The following ANAPC5 variants were observed in gnomAD, a reference collection of about 807,000 sequenced individuals.
ANAPC5 encodes anaphase promoting complex subunit 5.
ANAPC5 carries 60 observed loss-of-function variants against 91.3 expected under a neutral mutation model. The observed-to-expected ratio is 0.66, with a 90% CI of 0.53 to 0.81. The LOEUF (loss-of-function observed/expected upper bound fraction) is 0.81. Ranked by LOEUF, ANAPC5 falls within the 40% of genes least tolerant of loss-of-function variation. The probability of loss-of-function intolerance (pLI) is 0.00; values close to 1 mark genes in which losing one functional copy is unlikely to be tolerated. For missense variants in ANAPC5, 690 were observed against 931.5 expected (o/e 0.74, Z 3.37); for synonymous variants, 340 against 364.1 (o/e 0.93, Z 0.75).
At position 121,335,790 on chromosome 12, in the gene ANAPC5, G is replaced by C. The variant is rs75918756; in HGVS notation, c.760-67C>G. The C allele has an allele frequency of 3.2e-3, 4,204 of 1,333,366 alleles. 111 individuals carry two copies. The African/African-American group carries it at 0.054, about 17-fold the overall frequency. 82.6% of individuals were successfully genotyped at this position (1,333,366 alleles called of 1,614,324 possible). On this transcript the variant is annotated intron_variant, in intron 6 of 16. Transcript: ENST00000261819. ...ATCTCTGGTGTAAGACAACTGCAGA[G>C]AGTTCCACTGTCTACAAACACTAGT...
upstream of ANAPC5, chr12:121,352,455 A>T (rs144031139): frequency 3.2e-3 from 2,676 of 840,212 alleles, 55 homozygotes; most frequent in African/African-American, 0.04. Context: ...CAGGAAACAG[A>T]CATCCGCGTG....
intron 15 of ANAPC5, 80 bp downstream of exon 15, chr12:121,318,197 C>A: frequency 7.1e-7 from 1 of 1,406,184 alleles, no homozygotes; most frequent in Non-Finnish European, 9.4e-7. Context: ...TCATTATTAT[C>A]CTTTCAATAC....
chr12:121,332,796 T>C (rs888717537), intron 7 of ANAPC5: 18 of 152,098 alleles, frequency 1.2e-4, no homozygotes, highest in Non-Finnish European at 1.8e-4. Context: ...AAAATCTACC[T>C]CTCCTCATTT....
chr12:121,340,997 T>G (rs117440392), intron 5 of ANAPC5, among the ~76,000 whole-genome samples: 6,393 of 152,144 alleles, frequency 0.042, 167 homozygotes, highest in South Asian at 0.082. Flanking sequence ...CAGATTATGT[T>G]TCCAAGAAAA....
At chr12:121,313,581 A>G (rs1232191305) in intron 15 of ANAPC5, among the ~76,000 whole-genome samples, 1 of 152,194 alleles carries the variant, frequency 6.6e-6, no homozygotes, top group Non-Finnish European at 1.5e-5. Context: ...TTTACTAACA[A>G]CCTTACAAAA....
At chr12:121,330,509 G>C (rs1361656288) in intron 9 of ANAPC5, 74 bp downstream of exon 9, 3 of 1,234,490 alleles carry the variant, frequency 2.4e-6, no homozygotes, top group Admixed American at 2.0e-5. Flanking sequence ...GCTGGTTAAT[G>C]ACAGAGGTGG....
At chr12:121,314,104 T>C (rs1310587076) in intron 15 of ANAPC5, among the ~76,000 whole-genome samples, 3 of 151,958 alleles carry the variant, frequency 2.0e-5, no homozygotes, top group Non-Finnish European at 4.4e-5. Context: ...ATAAATAAAA[T>C]GAAAGAAAAA....
intron 15 of ANAPC5, among the ~76,000 whole-genome samples, chr12:121,315,585 G>A (rs909935032): frequency 2.6e-5 from 4 of 152,184 alleles, no homozygotes; most frequent in African/African-American, 9.6e-5. Context: ...GTAACATATA[G>A]ATCAAGGGAA....
rs182221986 is a variant in ANAPC5 at position 121,334,961 on chromosome 12, T to C, written c.950+572A>G. ...TAGTGACACTAGGGGGCAGACTATT[T>C]AGGCAGAAGGTTTTCATAAACTGTT... On this transcript the variant is annotated intron_variant, in intron 7 of 16. Transcript: ENST00000261819. The C allele has an allele frequency of 2.0e-5, 3 of 152,024 alleles. No homozygotes were observed. In the East Asian group the frequency reaches 5.8e-4, roughly 30 times the overall value. The allele number at this position is 152,024 out of a possible 1,614,324, so 9.4% of individuals were successfully genotyped here.
At chr12:121,340,983 T>G (rs1256175904) in intron 5 of ANAPC5, among the ~76,000 whole-genome samples, 1 of 151,626 alleles carries the variant, frequency 6.6e-6, no homozygotes, top group Non-Finnish European at 1.5e-5. Flanking sequence ...CACAGAAAAA[T>G]GTTCAGATTA....
chr12:121,308,609 G>A lies in ANAPC5; in HGVS notation c.2139C>T (p.Val713=), dbSNP rs1425112210. ...GGTAGAGTCTGGCCTGGAAGTAAAC[G>A]ACGTCCCTGATGCGCTCTTTGCAGT... The part of the protein sequence containing the change: ...KVDCKERIRD[V]VYFQARLYHT... The change falls in exon 17 of 17, where the codon GTC becomes GTT. Residue 713 remains valine, a synonymous_variant. Coordinates refer to ENST00000261819, the MANE Select transcript of ANAPC5 (RefSeq NM_016237.5). The A allele has an allele frequency of 2.0e-5, 33 of 1,614,020 alleles. No individual in the cohort carries two copies. Among genetic ancestry groups the A allele is most frequent in the Non-Finnish European group, 2.7e-5 (32 of 1,180,032 alleles).
chr12:121,309,572 T>G (rs1200250832), intron 16 of ANAPC5, 129 bp downstream of exon 16: 4 of 1,108,836 alleles, frequency 3.6e-6, no homozygotes, highest in Non-Finnish European at 3.8e-6. Flanking sequence ...CATGAAATTT[T>G]AATATATATT....
intron 5 of ANAPC5, among the ~76,000 whole-genome samples, chr12:121,337,594 C>T (rs555447832): frequency 7.2e-5 from 11 of 152,090 alleles, no homozygotes; most frequent in Non-Finnish European, 1.0e-4. Flanking sequence ...TCCTCTTGAC[C>T]ATCTACAACA....
At position 121,347,023 on chromosome 12, in the gene ANAPC5, G is replaced by A. The variant is rs1555274787; in HGVS notation, c.288-18C>T. The A allele has an allele frequency of 6.5e-7, 1 of 1,538,602 alleles. No individual in the cohort carries two copies. Among genetic ancestry groups the A allele is most frequent in the Non-Finnish European group, 8.9e-7 (1 of 1,126,508 alleles). ...GTTTGATTCTGAATGAGAAAATCGA[G>A]GTGCATATTTTAGAAAGGCCCTTTG... On this transcript the variant is annotated intron_variant, in intron 2 of 16. Transcript: ENST00000261819.
chr12:121,353,985 ATTTT>A (rs56126551), upstream of ANAPC5, among the ~76,000 whole-genome samples: 2 of 136,798 alleles, frequency 1.5e-5, no homozygotes, highest in African/African-American at 5.4e-5. Flanking sequence ...TGCATGGCTA[ATTTT>A]TTTTTTTTTT....
intron 11 of ANAPC5, 88 bp downstream of exon 11, chr12:121,327,008 G>T: frequency 6.8e-7 from 1 of 1,469,406 alleles, no homozygotes; most frequent in Admixed American, 2.3e-5. Context: ...TGTCCAACAC[G>T]TGTCCAGTGC....
chr12:121,336,841 C>T (rs868943970), intron 6 of ANAPC5, among the ~76,000 whole-genome samples: 5 of 152,142 alleles, frequency 3.3e-5, no homozygotes, highest in African/African-American at 9.7e-5. Flanking sequence ...CAACCTATAC[C>T]GAGTTGTTTG....
chr12:121,351,037 G>A, intron 1 of ANAPC5: 1 of 442,100 alleles, frequency 2.3e-6, no homozygotes, highest in South Asian at 1.6e-5. Context: ...ATGAATTAAG[G>A]AACTTAATTA....
chr12:121,342,816 G>A lies in ANAPC5; in HGVS notation c.591-747C>T, dbSNP rs553214747. 2.8e-3 allele frequency among the ~76,000 whole-genome samples: 421 copies of A among 152,218 alleles called. 1 individual carries two copies. The highest frequency in any genetic ancestry group is 9.7e-3 in the African/African-American group (402 of 41,550). On this transcript the variant is annotated intron_variant, in intron 4 of 16. Transcript: ENST00000261819. This position sits in a 1 kb window ranked among gnomAD's most constrained non-coding sequence, Gnocchi z 4.1. ...GGAGGTTGCAGCGAGCCAAGATCAC[G>A]CCACTGCACTCCAGCCTGGCGGCAG...
Sources: allele counts gnomAD v4.1 joint callset (sites outside exome capture counted in the v4.1 genomes callset), GRCh38; gene constraint gnomAD v4.1.1; non-coding constraint Gnocchi (gnomAD v3.1); transcripts MANE v1.5; gene names NCBI Gene and HGNC (gene_info 2026-07-23, HGNC 2026-07-21).